Variants in CDH10 observed in about 807,000 individuals in gnomAD.
The protein encoded by CDH10 is cadherin 10.
A neutral mutation model predicts 73.1 loss-of-function variants in CDH10; 30 were observed. That is an observed-to-expected ratio of 0.41 (90% CI 0.31 to 0.56). The LOEUF (loss-of-function observed/expected upper bound fraction) is 0.56, where lower values mean the gene tolerates loss of function less well. CDH10 is among the 20% of genes least tolerant of loss of function. The pLI is 0.27. For synonymous variants in CDH10, 345 were observed against 348.2 expected (o/e 0.99, Z 0.10); for missense variants, 815 against 973.7 (o/e 0.84, Z 2.17).
intron 2 of CDH10, among the ~76,000 whole-genome samples, chr5:24,579,358 T>A (rs1745711112): frequency 6.6e-6 from 1 of 150,750 alleles, no homozygotes; most frequent in African/African-American, 2.4e-5. Context: ...TATATATGTA[T>A]ACATAAATAT....
At chr5:24,576,646 T>C (rs1351900523) in intron 2 of CDH10, among the ~76,000 whole-genome samples, 1 of 151,964 alleles carries the variant, frequency 6.6e-6, no homozygotes, top group Non-Finnish European at 1.5e-5. Flanking sequence ...AAAGTAAATA[T>C]CCAGGTGTAA....
At chr5:24,513,079 A>G (rs1052825274) in intron 5 of CDH10, among the ~76,000 whole-genome samples, 1 of 145,462 alleles carries the variant, frequency 6.9e-6, no homozygotes, top group Non-Finnish European at 1.5e-5. Context: ...GAGTGCAGTG[A>G]CATGATCTTG....
chr5:24,611,362 G>A (rs985797525), intron 1 of CDH10, among the ~76,000 whole-genome samples: 12 of 151,936 alleles, frequency 7.9e-5, no homozygotes, highest in Non-Finnish European at 1.3e-4. Flanking sequence ...TGAGAGGATC[G>A]CTTGACACCA....
intron 8 of CDH10, chr5:24,499,328 C>G (rs189664942): frequency 6.5e-6 from 1 of 152,700 alleles, no homozygotes; most frequent in East Asian, 1.9e-4. Context: ...AAATAGCATA[C>G]TAATCATACC....
chr5:24,578,467 C>A, intron 2 of CDH10: 1 of 363,102 alleles, frequency 2.8e-6, no homozygotes, highest in South Asian at 2.8e-5. Context: ...GTTTAAGAAT[C>A]TCTGCTTCAG....
chr5:24,586,603 C>T (rs992020158), intron 2 of CDH10, among the ~76,000 whole-genome samples: 1 of 150,558 alleles, frequency 6.6e-6, no homozygotes, highest in Admixed American at 6.6e-5. Context: ...CTACCATGCC[C>T]GGATAATTTT....
intron 1 of CDH10, among the ~76,000 whole-genome samples, chr5:24,599,740 G>A (rs1431519498): frequency 2.0e-5 from 3 of 152,008 alleles, no homozygotes; most frequent in East Asian, 1.9e-4. Flanking sequence ...AGATCTTTAC[G>A]CAAGGATAAG....
intron 5 of CDH10, among the ~76,000 whole-genome samples, chr5:24,521,080 G>T (rs1167744115): frequency 6.6e-6 from 1 of 152,040 alleles, no homozygotes; most frequent in Non-Finnish European, 1.5e-5. Context: ...ACACAGTTCT[G>T]CTATATAAGA....
intron 2 of CDH10, among the ~76,000 whole-genome samples, chr5:24,550,233 A>G (rs576519125): frequency 6.6e-6 from 1 of 152,350 alleles, no homozygotes; most frequent in South Asian, 2.1e-4. Flanking sequence ...GTGAAAATAC[A>G]TTGAATTGTA....
chr5:24,561,697 T>C (rs566757678), intron 2 of CDH10, among the ~76,000 whole-genome samples: 45 of 152,122 alleles, frequency 3.0e-4, no homozygotes, highest in Non-Finnish European at 5.3e-4. Flanking sequence ...TTTGGAATAA[T>C]GGAAAATTAA....
chr5:24,606,213 C>T (rs1265433783), intron 1 of CDH10, among the ~76,000 whole-genome samples: 1 of 152,152 alleles, frequency 6.6e-6, no homozygotes, highest in Non-Finnish European at 1.5e-5. Flanking sequence ...GTAAATTTTA[C>T]TTCCCTGCAA....
intron 5 of CDH10, among the ~76,000 whole-genome samples, chr5:24,534,803 G>C (rs550771744): frequency 6.6e-6 from 1 of 151,950 alleles, no homozygotes; most frequent in Non-Finnish European, 1.5e-5. Context: ...AATAAACATT[G>C]TTTCCTTTTG....
chr5:24,601,765 G>A (rs1746573218), intron 1 of CDH10, among the ~76,000 whole-genome samples: 1 of 151,838 alleles, frequency 6.6e-6, no homozygotes, highest in Non-Finnish European at 1.5e-5. Context: ...GCCAGTGGAA[G>A]GAAAGCTTGA....
intron 2 of CDH10, among the ~76,000 whole-genome samples, chr5:24,545,336 T>C (rs1744300728): frequency 6.6e-6 from 1 of 152,150 alleles, no homozygotes; most frequent in Non-Finnish European, 1.5e-5. Flanking sequence ...GTTAAGTAAA[T>C]TTACAACATT....
intron 2 of CDH10, among the ~76,000 whole-genome samples, chr5:24,586,938 G>A (rs1307459090): frequency 1.4e-5 from 2 of 141,902 alleles, no homozygotes; most frequent in Non-Finnish European, 3.0e-5. Context: ...TCCGCCTCCC[G>A]GGTTCACGCC....
chr5:24,580,901 T>C (rs1296983557), intron 2 of CDH10, among the ~76,000 whole-genome samples: 6 of 152,202 alleles, frequency 3.9e-5, no homozygotes, highest in Non-Finnish European at 7.3e-5. Flanking sequence ...CAACCTCTAC[T>C]TCCATTGTCA....
intron 2 of CDH10, among the ~76,000 whole-genome samples, chr5:24,585,040 G>A (rs1361193289): frequency 6.6e-6 from 1 of 152,000 alleles, no homozygotes; most frequent in African/African-American, 2.4e-5. Context: ...TAGAGACAGT[G>A]TTTTGCCATG....
At chr5:24,541,546 T>C (rs1744157421) in intron 2 of CDH10, among the ~76,000 whole-genome samples, 1 of 152,038 alleles carries the variant, frequency 6.6e-6, no homozygotes, top group African/African-American at 2.4e-5. Flanking sequence ...TGCTGAGAAG[T>C]TGGGATCAAT....
chr5:24,504,428 T>C (rs1273745358), intron 8 of CDH10, among the ~76,000 whole-genome samples: 1 of 151,372 alleles, frequency 6.6e-6, no homozygotes, highest in African/African-American at 2.4e-5. Flanking sequence ...ATTTCAGTTT[T>C]GCCACTTCAT....
Sources: gnomAD v4.1 joint callset for allele counts (sites outside exome capture counted in the v4.1 genomes callset) on GRCh38, gnomAD v4.1.1 for gene constraint, MANE v1.5 for transcripts, NCBI Gene and HGNC (gene_info 2026-07-23, HGNC 2026-07-21) for gene names.